XPO6: variants seen among roughly 807,000 people sequenced by gnomAD.
The protein encoded by XPO6 is exportin 6, also known as exportin-6.
A neutral mutation model predicts 130.0 loss-of-function variants in XPO6; 3 were observed. That is an observed-to-expected ratio of 0.02 (90% confidence interval 0.01 to 0.06). The LOEUF is 0.06. Among genes scored for constraint, XPO6 ranks in the 10% least tolerant of loss-of-function variants. The probability of loss-of-function intolerance (pLI) is 1.00; values close to 1 mark genes in which losing one functional copy is unlikely to be tolerated. For synonymous variants in XPO6, 524 were observed against 548.9 expected (o/e 0.95, Z 0.63); for missense variants, 970 against 1,393.0 (o/e 0.70, Z 4.83).
chr16:28,114,362 G>C (rs998223376), intron 15 of XPO6, among the ~76,000 whole-genome samples: 1 of 152,240 alleles, frequency 6.6e-6, no homozygotes, highest in Middle Eastern at 3.4e-3. Flanking sequence ...AGTCTGGAAG[G>C]ATATACAGGC....
At chr16:28,190,289 A>G (rs1052824132) in intron 1 of XPO6, among the ~76,000 whole-genome samples, 1 of 150,524 alleles carries the variant, frequency 6.6e-6, no homozygotes, top group Non-Finnish European at 1.5e-5. Context: ...GCACAATCTC[A>G]GCTCACTGCA....
chr16:28,164,494 T>G (rs543688560), intron 6 of XPO6, among the ~76,000 whole-genome samples: 3 of 152,290 alleles, frequency 2.0e-5, no homozygotes, highest in African/African-American at 7.2e-5. Context: ...AAAGGGGAAC[T>G]TTACCAGCTT....
Position 28,147,034 on chromosome 16 carries a change from A to G in XPO6, c.1225-831T>C, listed in dbSNP as rs569351275. ...TCTCCACTCAAATGCTCACTACCTGAAAGACTCCTTTGGTTTTGCTGGTGG... is the reference window on the plus strand; with the variant it reads ...TCTCCACTCAAATGCTCACTACCTGGAAGACTCCTTTGGTTTTGCTGGTGG... On this transcript the variant is annotated intron_variant, in intron 8 of 23. Coordinates refer to ENST00000304658, the MANE Select transcript of XPO6 (RefSeq NM_015171.4). 1.7e-3 allele frequency among the ~76,000 whole-genome samples: 260 copies of G among 152,316 alleles called. 2 individuals are homozygous for G. Among genetic ancestry groups the G allele is most frequent in the African/African-American group, 5.5e-3 (229 of 41,574 alleles).
chr16:28,157,769 C>T (rs1019083339), intron 6 of XPO6, among the ~76,000 whole-genome samples: 5 of 152,188 alleles, frequency 3.3e-5, no homozygotes, highest in African/African-American at 4.8e-5. Flanking sequence ...AAATGCCAGA[C>T]GTCAAGTACA....
intron 8 of XPO6, among the ~76,000 whole-genome samples, chr16:28,152,049 A>G (rs114849716): frequency 0.024 from 3,584 of 150,896 alleles, 138 homozygotes; most frequent in African/African-American, 0.084. Context: ...CAATAAAGCC[A>G]CATATATAAT....
At chr16:28,127,810 G>A (rs1335576618) in intron 12 of XPO6, among the ~76,000 whole-genome samples, 1 of 152,208 alleles carries the variant, frequency 6.6e-6, no homozygotes, top group East Asian at 1.9e-4. Flanking sequence ...GTAACTCATG[G>A]AAGGACCTCA....
chr16:28,189,286 T>C (rs1432133781), intron 1 of XPO6, among the ~76,000 whole-genome samples: 2 of 149,766 alleles, frequency 1.3e-5, no homozygotes, highest in Non-Finnish European at 3.0e-5. Context: ...CACAGCATAT[T>C]GAAGTGGAAA....
chr16:28,135,205 A>C lies in XPO6; in HGVS notation c.1443+11T>G. The C allele has an allele frequency of 6.2e-7, 1 of 1,610,960 alleles. No homozygotes were observed. Among genetic ancestry groups the C allele is most frequent in the South Asian group, 1.1e-5 (1 of 90,806 alleles). On this transcript the variant is annotated intron_variant, in intron 10 of 23. Coordinates refer to ENST00000304658, the MANE Select transcript of XPO6 (RefSeq NM_015171.4). ...ACAGCGACAAAAAATCAATCAGGGC[A>C]TGCCGCTTACATCGTCATCCAGAGT...
chr16:28,112,092 G>A (rs2086938430), intron 16 of XPO6, 86 bp from the exon 17 acceptor site: 3 of 1,450,684 alleles, frequency 2.1e-6, no homozygotes, highest in Admixed American at 4.3e-5. Flanking sequence ...AGCACCCGCT[G>A]GCTGCACACC....
intron 1 of XPO6, among the ~76,000 whole-genome samples, chr16:28,183,047 C>T (rs112802096): frequency 2.0e-5 from 3 of 152,186 alleles, no homozygotes; most frequent in Non-Finnish European, 4.4e-5. Flanking sequence ...TCCATAACTT[C>T]TTGTGTTGAA....
At chr16:28,200,024 T>G (rs1424013058) in intron 1 of XPO6, among the ~76,000 whole-genome samples, 2 of 151,800 alleles carry the variant, frequency 1.3e-5, no homozygotes, top group East Asian at 2.0e-4. Context: ...GACATGGTGG[T>G]GGGCACCTGT....
rs556864987 is a variant in XPO6, at chr16:28,201,627, C to T, written c.3+9739G>A. Among the ~76,000 whole-genome samples, 7 of 152,170 alleles carry T rather than the reference C, an allele frequency of 4.6e-5. No individual in the cohort carries two copies. In the South Asian group the frequency reaches 6.2e-4, roughly 14 times the overall value. On this transcript the variant is annotated intron_variant, in intron 1 of 23. Transcript: ENST00000304658. ...ATCCCAGCAATTGGGGAGGCTGAGG[C>T]GGGTGGATCACGAGGTCAGGAGATC...
Position 28,134,073 on chromosome 16 carries a change from A to T in XPO6, c.1444-140T>A. 4.0e-6 allele frequency: 3 copies of T among 755,066 alleles called. No homozygotes were observed. The South Asian group carries it at 5.3e-5, about 13-fold the overall frequency. The allele number at this position is 755,066 out of a possible 1,614,324, so 46.8% of individuals were successfully genotyped here. A position where few individuals can be genotyped will look rare whatever the true frequency, so the allele number is the denominator to read the frequency against. ...GTTATCTGGTACTATAAAAAGGCCA[A>T]GCTAGAATTTTTTAAAAACAATGAA... On this transcript the variant is annotated intron_variant, in intron 10 of 23. Coordinates refer to ENST00000304658, the MANE Select transcript of XPO6 (RefSeq NM_015171.4).
chr16:28,166,669 T>C lies in XPO6; in HGVS notation c.566-84A>G, dbSNP rs1052662467. On this transcript the variant is annotated intron_variant, in intron 5 of 23. Transcript: ENST00000304658. ...TATTTAGAGAAAGTTTCTTGATACC[T>C]CTGATCAAACATGAGTACTTGAACA... 2.5e-5 allele frequency: 39 copies of C among 1,540,052 alleles called. No individual in the cohort carries two copies. In the African/African-American group the frequency reaches 4.9e-4, roughly 20 times the overall value.
At chr16:28,160,090 C>T (rs2043249690) in intron 6 of XPO6, among the ~76,000 whole-genome samples, 1 of 145,856 alleles carries the variant, frequency 6.9e-6, no homozygotes, top group Non-Finnish European at 1.5e-5. Context: ...GAGGCTGGGG[C>T]AGGAGAATTG....
At chr16:28,152,309 C>T (rs535858637) in intron 8 of XPO6, among the ~76,000 whole-genome samples, 8 of 152,306 alleles carry the variant, frequency 5.3e-5, no homozygotes, top group Non-Finnish European at 1.2e-4. Context: ...AGTTACAGAA[C>T]AGAACTAAAG....
intron 8 of XPO6, among the ~76,000 whole-genome samples, chr16:28,152,101 C>T (rs779661377): frequency 3.9e-5 from 6 of 151,946 alleles, no homozygotes; most frequent in Non-Finnish European, 5.9e-5. Context: ...CACACACATA[C>T]TAGAATGACT....
chr16:28,135,660 G>A (rs1231944465), intron 9 of XPO6, among the ~76,000 whole-genome samples: 5 of 152,020 alleles, frequency 3.3e-5, no homozygotes, highest in African/African-American at 1.2e-4. Flanking sequence ...CTTTTTGCAC[G>A]GAATATCTCT....
chr16:28,102,059 T>C (rs1006646306), intron 21 of XPO6, 114 bp from the exon 22 acceptor site: 6 of 810,620 alleles, frequency 7.4e-6, no homozygotes, highest in Non-Finnish European at 2.0e-6. Context: ...TTGATGCTTC[T>C]GGCCCACCAG....
Sources: allele counts gnomAD v4.1 joint callset (sites outside exome capture counted in the v4.1 genomes callset), GRCh38; gene constraint gnomAD v4.1.1; transcripts MANE v1.5; gene names NCBI Gene and HGNC (gene_info 2026-07-23, HGNC 2026-07-21).